Variants in MED26 observed in about 807,000 individuals in gnomAD.
The protein encoded by MED26 is mediator complex subunit 26, also known as mediator of RNA polymerase II transcription subunit 26.
Under a neutral mutation model 43.7 loss-of-function variants are expected in MED26, and 7 were observed. The observed-to-expected ratio is 0.16, with a 90% CI of 0.09 to 0.30. The LOEUF (loss-of-function observed/expected upper bound fraction) is 0.30, where lower values mean the gene tolerates loss of function less well. Among genes scored for constraint, MED26 ranks in the 10% least tolerant of loss-of-function variants. The probability of loss-of-function intolerance (pLI) is 1.00; values close to 1 mark genes in which losing one functional copy is unlikely to be tolerated. For missense variants in MED26, 784 were observed against 840.6 expected (o/e 0.93, Z 0.83); for synonymous variants, 375 against 371.1 (o/e 1.01, Z -0.12).
At chr19:16,595,680 T>C (rs2086117106) in intron 1 of MED26, among the ~76,000 whole-genome samples, 1 of 152,202 alleles carries the variant, frequency 6.6e-6, no homozygotes, top group Non-Finnish European at 1.5e-5. Context: ...TGGGTGACTT[T>C]CCCGTCCTAG....
Position 16,612,188 on chromosome 19 carries a change from T to A in MED26, c.72+15684A>T, listed in dbSNP as rs913518938. 2.0e-5 allele frequency: 3 copies of A among 152,220 alleles called. No individual in the cohort carries two copies. In the South Asian group the frequency reaches 6.2e-4, roughly 32 times the overall value. The allele number at this position is 152,220 out of a possible 1,614,324, so 9.4% of individuals were successfully genotyped here. On this transcript the variant is annotated intron_variant, in intron 1 of 2. Transcript: ENST00000263390. ...ACCCACCAAGGCCATTCTGCCCACA[T>A]GTTTTTGTGCAAGGTATATGTTCCA...
At chr19:16,616,810 G>A (rs1488632927) in intron 1 of MED26, among the ~76,000 whole-genome samples, 1 of 152,134 alleles carries the variant, frequency 6.6e-6, no homozygotes, top group Non-Finnish European at 1.5e-5. Flanking sequence ...AAAGGGTTGT[G>A]TAGAGAAAAA....
At chr19:16,617,209 T>C (rs1488715868) in intron 1 of MED26, among the ~76,000 whole-genome samples, 2 of 152,016 alleles carry the variant, frequency 1.3e-5, no homozygotes, top group Non-Finnish European at 2.9e-5. Context: ...CCAGCACAAA[T>C]ACCACCTGCC....
intron 1 of MED26, chr19:16,611,126 G>C (rs537788016): frequency 3.9e-5 from 6 of 152,644 alleles, no homozygotes; most frequent in Admixed American, 3.9e-4. Flanking sequence ...TTGGACTCGA[G>C]ATGGAGGGCA....
At chr19:16,584,724 G>C (rs2122390946) in intron 1 of MED26, among the ~76,000 whole-genome samples, 2 of 152,334 alleles carry the variant, frequency 1.3e-5, no homozygotes, top group Middle Eastern at 3.4e-3. Flanking sequence ...TCATCCCCTA[G>C]GGTGAGTGAC....
At chr19:16,624,462 C>A (rs1368079850) in intron 1 of MED26, 1 of 152,236 alleles carries the variant, frequency 6.6e-6, no homozygotes, top group Non-Finnish European at 1.5e-5. Flanking sequence ...TAGTTCAAGT[C>A]CCTCTTTGCT....
chr19:16,604,342 T>TAGA (rs1340821960), intron 1 of MED26, among the ~76,000 whole-genome samples: 40 of 152,352 alleles, frequency 2.6e-4, no homozygotes, highest in African/African-American at 9.1e-4. Context: ...TCCAGAGGGA[T>TAGA]AGAAGAACTG....
chr19:16,604,795 C>T (rs75620748), intron 1 of MED26, among the ~76,000 whole-genome samples: 3 of 152,216 alleles, frequency 2.0e-5, no homozygotes, highest in African/African-American at 4.8e-5. Context: ...TGGCTCACAG[C>T]GATTGCGCCA....
rs535102066 is a variant in MED26 at position 16,607,230 on chromosome 19, G to A, written c.72+20642C>T. ...ATTTAAAAATTAAAAAGTTAGCCGGGTGTGGTGGCATATACCTGTAGTCCC... is the reference window on the plus strand; with the variant it reads ...ATTTAAAAATTAAAAAGTTAGCCGGATGTGGTGGCATATACCTGTAGTCCC... On this transcript the variant is annotated intron_variant, in intron 1 of 2. Transcript: ENST00000263390. Among the ~76,000 whole-genome samples, 24 of 152,128 alleles carry A rather than the reference G, an allele frequency of 1.6e-4. 1 individual carries two copies. The highest frequency in any genetic ancestry group is 5.3e-4 in the African/African-American group (22 of 41,496).
At chr19:16,607,943 G>A (rs1031138514) in intron 1 of MED26, among the ~76,000 whole-genome samples, 17 of 152,328 alleles carry the variant, frequency 1.1e-4, no homozygotes, top group Middle Eastern at 3.4e-3. Context: ...CTACGATCAC[G>A]AGAACTGTCC....
intron 1 of MED26, chr19:16,611,203 AG>A (rs2086198009): frequency 6.6e-6 from 1 of 152,468 alleles, no homozygotes; most frequent in Non-Finnish European, 1.5e-5. Flanking sequence ...TAGGTGACTA[AG>A]GTGAGAGGAA....
chr19:16,614,607 G>A (rs2086214636), intron 1 of MED26, among the ~76,000 whole-genome samples: 1 of 152,180 alleles, frequency 6.6e-6, no homozygotes, highest in South Asian at 2.1e-4. Flanking sequence ...GGCACGTGCA[G>A]GCTCATGTGG....
chr19:16,615,459 G>A (rs2086221012), intron 1 of MED26, among the ~76,000 whole-genome samples: 1 of 152,162 alleles, frequency 6.6e-6, no homozygotes, highest in Non-Finnish European at 1.5e-5. Flanking sequence ...AAAATTTGGG[G>A]CAGCCAGGCG....
In MED26 at chr19:16,619,389, T is replaced by G. The variant is rs532195374; in HGVS notation, c.72+8483A>C. ...GTTAGCTACCATGGTAACTACTACA[T>G]CACCCTGGGGGGAACGAGGATGTGG... On this transcript the variant is annotated intron_variant, in intron 1 of 2. Coordinates refer to ENST00000263390, the MANE Select transcript of MED26 (RefSeq NM_004831.5). 3.3e-4 allele frequency among the ~76,000 whole-genome samples: 50 copies of G among 152,264 alleles called. No individual in the cohort carries two copies. The South Asian group carries it at 8.3e-3, about 25-fold the overall frequency.
intron 1 of MED26, among the ~76,000 whole-genome samples, chr19:16,617,795 A>G (rs2086232776): frequency 7.7e-6 from 1 of 130,474 alleles, no homozygotes; most frequent in African/African-American, 3.6e-5. Flanking sequence ...TTGCCCACCA[A>G]CCATCAAGGT....
intron 1 of MED26, among the ~76,000 whole-genome samples, chr19:16,609,877 A>G (rs1430003237): frequency 6.6e-6 from 1 of 151,552 alleles, no homozygotes; most frequent in Non-Finnish European, 1.5e-5. Flanking sequence ...CAAGCAAAAC[A>G]GAAACAAAAA....
intron 1 of MED26, among the ~76,000 whole-genome samples, chr19:16,602,161 T>C (rs1237316499): frequency 1.3e-5 from 2 of 152,212 alleles, no homozygotes; most frequent in Non-Finnish European, 2.9e-5. Context: ...GCACAGACTT[T>C]TGGCAGATCA....
Position 16,576,246 on chromosome 19 carries a change from C to G in MED26, c.1584G>C (p.Leu528=). The G allele has an allele frequency of 6.2e-7, 1 of 1,611,252 alleles. No individual in the cohort carries two copies. ...EESTRQGARQ[L]HVLVPQSPPT... is the part of the protein sequence containing the mutation. ...GCGGGCTTTGAGGCACCAGCACATG[C>G]AGCTGCCTGGCCCCTTGCCGGGTGC... The change falls in exon 3 of 3, where the codon CTG becomes CTC. Residue 528 remains leucine, a synonymous_variant. Transcript: ENST00000263390. The surrounding 1 kb of genome is among the most constrained non-coding windows in gnomAD (Gnocchi z 6.8).
At chr19:16,612,700 G>A (rs2086205003) in intron 1 of MED26, among the ~76,000 whole-genome samples, 1 of 152,230 alleles carries the variant, frequency 6.6e-6, no homozygotes, top group Admixed American at 6.5e-5. Context: ...TGCAACTGCA[G>A]CACAGAGAGA....
Sources: gnomAD v4.1 joint callset for allele counts (sites outside exome capture counted in the v4.1 genomes callset) on GRCh38, gnomAD v4.1.1 for gene constraint, Gnocchi (gnomAD v3.1) non-coding constraint, MANE v1.5 for transcripts, NCBI Gene and HGNC (gene_info 2026-07-23, HGNC 2026-07-21) for gene names.